ARID4B: variants seen among roughly 807,000 people sequenced by gnomAD.
The protein encoded by ARID4B is AT-rich interactive domain-containing protein 4B.
ARID4B carries 26 observed loss-of-function variants against 147.5 expected under a neutral mutation model. The ratio of observed to expected loss-of-function variants is 0.18; its 90% CI spans 0.13 to 0.24. ARID4B has a LOEUF of 0.24. Ranked by LOEUF, ARID4B falls within the 10% of genes least tolerant of loss-of-function variation. The probability of loss-of-function intolerance (pLI) is 1.00; values close to 1 mark genes in which losing one functional copy is unlikely to be tolerated. For missense variants in ARID4B, 1,179 were observed against 1,511.5 expected, an observed-to-expected ratio of 0.78 and a Z score of 3.65; for synonymous variants, 512 against 507.9, an observed-to-expected ratio of 1.01 and a Z score of -0.11.
chr1:235,200,816 T>G (rs554836938), intron 17 of ARID4B, among the ~76,000 whole-genome samples: 2 of 152,178 alleles, frequency 1.3e-5, no homozygotes, highest in South Asian at 4.1e-4. Context: ...AATGGGAAAT[T>G]TTAGCTCAAG....
At chr1:235,297,591 A>AT (rs1485042545) in intron 2 of ARID4B, among the ~76,000 whole-genome samples, 1 of 152,210 alleles carries the variant, frequency 6.6e-6, no homozygotes, top group East Asian at 1.9e-4. Flanking sequence ...AGAACTTTAT[A>AT]AAGGATAGAT....
chr1:235,277,377 T>C (rs1434572998), intron 2 of ARID4B, among the ~76,000 whole-genome samples: 1 of 151,766 alleles, frequency 6.6e-6, no homozygotes, highest in Non-Finnish European at 1.5e-5. Flanking sequence ...CGGTCTCTAC[T>C]AAAAATACAA....
chr1:235,312,707 C>T (rs1030771081), intron 2 of ARID4B, among the ~76,000 whole-genome samples: 27 of 152,118 alleles, frequency 1.8e-4, no homozygotes, highest in Admixed American at 1.5e-3. Flanking sequence ...GGCGTGGTGG[C>T]TCCCACCTGT....
chr1:235,233,841 G>T (rs1174963468), intron 9 of ARID4B, among the ~76,000 whole-genome samples: 1 of 152,202 alleles, frequency 6.6e-6, no homozygotes, highest in Non-Finnish European at 1.5e-5. Flanking sequence ...CAGCACTTTG[G>T]GGTTCGAGGC....
At chr1:235,207,688 G>A (rs1166059307) in intron 17 of ARID4B, among the ~76,000 whole-genome samples, 1 of 152,052 alleles carries the variant, frequency 6.6e-6, no homozygotes, top group African/African-American at 2.4e-5. Flanking sequence ...GGCACATAGT[G>A]GGTATTCAAC....
Position 235,209,760 on chromosome 1 carries a change from C to T in ARID4B, c.1841+4009G>A, listed in dbSNP as rs552508876. Among the ~76,000 whole-genome samples the T allele has an allele frequency of 8.6e-5, 13 of 151,894 alleles. No individual in the cohort carries two copies. In the East Asian group the frequency reaches 2.5e-3, roughly 30 times the overall value. On this transcript the variant is annotated intron_variant, in intron 17 of 23. Coordinates refer to ENST00000264183, the MANE Select transcript of ARID4B (RefSeq NM_016374.6). ...TGTATTTTTAGTAGAGATGAGGTTTCGCCATGTTGGCCAGGCTGGTTTCGA... is the reference window on the plus strand; with the variant it reads ...TGTATTTTTAGTAGAGATGAGGTTTTGCCATGTTGGCCAGGCTGGTTTCGA...
chr1:235,247,238 A>C (rs919978343), intron 6 of ARID4B, among the ~76,000 whole-genome samples: 28 of 152,196 alleles, frequency 1.8e-4, no homozygotes, highest in African/African-American at 6.8e-4. Flanking sequence ...GATGAAAATA[A>C]AAGTGAGGAA....
At chr1:235,281,035 T>A (rs1399389616) in intron 2 of ARID4B, among the ~76,000 whole-genome samples, 2 of 151,586 alleles carry the variant, frequency 1.3e-5, no homozygotes, top group Non-Finnish European at 2.9e-5. Context: ...GTTTCAAATG[T>A]GAGTCCTAAG....
intron 19 of ARID4B, among the ~76,000 whole-genome samples, chr1:235,185,744 C>T (rs1407586947): frequency 6.6e-6 from 1 of 152,164 alleles, no homozygotes; most frequent in Non-Finnish European, 1.5e-5. Context: ...AAATTGTTTC[C>T]TTCAGAGTTC....
rs765457565 is a variant in ARID4B at position 235,240,459 on chromosome 1, G to A, written c.447-8C>T. 1.2e-6 allele frequency: 2 copies of A among 1,610,270 alleles called. No individual in the cohort carries two copies. The highest frequency in any genetic ancestry group is 1.7e-6 in the Non-Finnish European group (2 of 1,177,562). ...GAAGACTCTTCCTCTGGTCTAGGGA[G>A]AGAAAAAAATAAAATATTTCCATTT... On this transcript the variant is annotated splice_polypyrimidine_tract_variant and splice_region_variant and intron_variant, in intron 7 of 23. Coordinates refer to ENST00000264183, the MANE Select transcript of ARID4B (RefSeq NM_016374.6).
intron 2 of ARID4B, among the ~76,000 whole-genome samples, chr1:235,265,543 A>G (rs1459301816): frequency 6.6e-6 from 1 of 151,788 alleles, no homozygotes; most frequent in Non-Finnish European, 1.5e-5. Flanking sequence ...TACTAAAAAT[A>G]CAAAAATTAG....
Position 235,182,472 on chromosome 1 carries a change from G to T in ARID4B, c.2447C>A (p.Ser816Ter). ...DVKKDTTDKS[S>*]KPQIKRGKRR... ...TTTACCACGTTTTATTTGTGGTTTT[G>T]AAGATTTATCTGTTGTGTCCTTCTT... The change falls in exon 20 of 24, where the codon TCA becomes TAA. Residue 816 changes from serine (S) to a stop codon, truncating the protein, a stop_gained. Coordinates refer to ENST00000264183, the MANE Select transcript of ARID4B (RefSeq NM_016374.6). LOFTEE classifies it high-confidence loss of function. 6.2e-7 allele frequency: 1 copy of T among 1,612,998 alleles called. No homozygotes were observed. The highest frequency in any genetic ancestry group is 8.5e-7 in the Non-Finnish European group (1 of 1,179,796).
chr1:235,198,148 C>G (rs1214442181), intron 17 of ARID4B, among the ~76,000 whole-genome samples: 1 of 152,304 alleles, frequency 6.6e-6, no homozygotes, highest in Admixed American at 6.5e-5. Context: ...GATGGCTGCA[C>G]ATAACATTAA....
At position 235,304,747 on chromosome 1, in the gene ARID4B, C is replaced by T. The variant is rs542415218; in HGVS notation, c.6+22167G>A. Among the ~76,000 whole-genome samples the T allele has an allele frequency of 9.8e-5, 15 of 152,296 alleles. No individual in the cohort carries two copies. The South Asian group carries it at 2.5e-3, about 25-fold the overall frequency. On this transcript the variant is annotated intron_variant, in intron 2 of 23. Transcript: ENST00000264183. ...TGGTTACCTTGGAGACTACCCATCA[C>T]CACAAGCATATACCTAGCAGATAAG... is the stretch of plus-strand genomic sequence containing the variant.
intron 9 of ARID4B, among the ~76,000 whole-genome samples, chr1:235,232,573 AC>A (rs1668308069): frequency 2.8e-5 from 4 of 141,002 alleles, no homozygotes; most frequent in Non-Finnish European, 6.3e-5. Flanking sequence ...AAAAAAAAAA[AC>A]CCTACAAAAA....
chr1:235,287,041 T>C (rs1193728305), intron 2 of ARID4B, among the ~76,000 whole-genome samples: 4 of 152,070 alleles, frequency 2.6e-5, no homozygotes, highest in African/African-American at 7.2e-5. Flanking sequence ...GGGTGAATCA[T>C]TTGAGGTCAG....
At chr1:235,289,632 G>A (rs1234741416) in intron 2 of ARID4B, among the ~76,000 whole-genome samples, 2 of 151,568 alleles carry the variant, frequency 1.3e-5, no homozygotes, top group East Asian at 1.9e-4. Context: ...GTTGAGGTGG[G>A]AGGATCACTT....
chr1:235,230,809 G>A (rs1270716382), intron 10 of ARID4B, among the ~76,000 whole-genome samples: 2 of 151,710 alleles, frequency 1.3e-5, no homozygotes, highest in Non-Finnish European at 2.9e-5. Flanking sequence ...TGTAGTCCCA[G>A]TTACTCGGGA....
chr1:235,245,707 T>C (rs1040772959), intron 7 of ARID4B, among the ~76,000 whole-genome samples: 14 of 152,204 alleles, frequency 9.2e-5, no homozygotes, highest in African/African-American at 3.4e-4. Flanking sequence ...CATGAAATTT[T>C]TCATGTCAGT....
Sources: gnomAD v4.1 joint callset for allele counts (sites outside exome capture counted in the v4.1 genomes callset) on GRCh38, gnomAD v4.1.1 for gene constraint, MANE v1.5 for transcripts, NCBI Gene and HGNC (gene_info 2026-07-23, HGNC 2026-07-21) for gene names.